PDZD8: variants seen among roughly 807,000 people sequenced by gnomAD.
PDZD8 encodes the protein PDZ domain-containing protein 8.
In PDZD8, 14 loss-of-function variants were observed where a neutral mutation model predicts 85.8. The ratio of observed to expected loss-of-function variants is 0.16; its 90% CI spans 0.11 to 0.26. The LOEUF (loss-of-function observed/expected upper bound fraction) is 0.26. Among genes scored for constraint, PDZD8 ranks in the 10% least tolerant of loss-of-function variants. The pLI is 1.00. For missense variants in PDZD8, 1,197 were observed against 1,424.3 expected (o/e 0.84, Z 2.57); for synonymous variants, 592 against 568.6 (o/e 1.04, Z -0.59).
intron 3 of PDZD8, among the ~76,000 whole-genome samples, chr10:117,317,608 GC>G (rs1162998535): frequency 6.6e-6 from 1 of 152,154 alleles, no homozygotes; most frequent in African/African-American, 2.4e-5. Context: ...AATGCCAATA[GC>G]AATGGCAAGT....
intron 2 of PDZD8, among the ~76,000 whole-genome samples, chr10:117,324,064 C>G (rs1327303609): frequency 6.6e-6 from 1 of 151,812 alleles, no homozygotes; most frequent in African/African-American, 2.4e-5. Flanking sequence ...CCTGTCTCTA[C>G]TAAAAATACA....
At chr10:117,367,615 T>A (rs1165965124) in intron 1 of PDZD8, among the ~76,000 whole-genome samples, 1 of 152,016 alleles carries the variant, frequency 6.6e-6, no homozygotes, top group Non-Finnish European at 1.5e-5. Flanking sequence ...AGCACTAAAC[T>A]GGGTATTTAG....
intron 2 of PDZD8, among the ~76,000 whole-genome samples, chr10:117,337,273 T>C (rs1320916596): frequency 6.6e-6 from 1 of 152,204 alleles, no homozygotes; most frequent in Non-Finnish European, 1.5e-5. Context: ...AGATAGACTA[T>C]AAATTATAAA....
chr10:117,289,965 A>G (rs933303814), intron 4 of PDZD8, among the ~76,000 whole-genome samples: 4 of 152,230 alleles, frequency 2.6e-5, no homozygotes, highest in African/African-American at 9.6e-5. Flanking sequence ...AAAGTATTTT[A>G]AAGATTTATA....
At position 117,346,355 on chromosome 10, in the gene PDZD8, T is replaced by TC. The variant is rs1453433559; in HGVS notation, c.873-5254dup. Among the ~76,000 whole-genome samples, 5 of 151,010 alleles carry TC rather than the reference T, an allele frequency of 3.3e-5. No individual in the cohort carries two copies. The East Asian group carries it at 7.8e-4, about 24-fold the overall frequency. On this transcript the variant is annotated intron_variant, in intron 1 of 4. Transcript: ENST00000334464. ...ATGAACCAAAAATAAAATTCTAAGATCCCCCCAACCACCTGATTGAATTTC... is the reference window on the plus strand; with the variant it reads ...ATGAACCAAAAATAAAATTCTAAGATCCCCCCCAACCACCTGATTGAATTTC...
intron 3 of PDZD8, among the ~76,000 whole-genome samples, chr10:117,316,424 G>A (rs1037608723): frequency 1.3e-5 from 2 of 152,162 alleles, no homozygotes; most frequent in African/African-American, 4.8e-5. Context: ...TTTAATCCCA[G>A]CACTTTGGGA....
At position 117,279,755 on chromosome 10, in the gene PDZD8, C is replaced by CG. The variant is rs1844551554; in HGVS notation, c.*3512dup. 6.6e-6 allele frequency: 1 copy of CG among 152,112 alleles called. No homozygotes were observed. Among genetic ancestry groups the CG allele is most frequent in the Non-Finnish European group, 1.5e-5 (1 of 68,018 alleles). The allele number at this position is 152,112 out of a possible 1,614,324, so 9.4% of individuals were successfully genotyped here. The stretch of plus-strand genomic sequence containing the variant: ...AATATCCACCCATTTGACTTAATCC[C>CG]GGGGGAGTTTGTAAAACCGTTGAAA... On this transcript the variant is annotated 3_prime_UTR_variant, in exon 5 of 5. Coordinates refer to ENST00000334464, the MANE Select transcript of PDZD8 (RefSeq NM_173791.5).
chr10:117,310,904 T>C (rs781194882), intron 3 of PDZD8, among the ~76,000 whole-genome samples: 21 of 152,224 alleles, frequency 1.4e-4, no homozygotes, highest in Admixed American at 1.0e-3. Context: ...GCCTAACGTA[T>C]TTGTAAGTTT....
At position 117,284,745 on chromosome 10, in the gene PDZD8, G is replaced by A. The variant is rs1054791907; in HGVS notation, c.1988C>T (p.Ser663Leu). The part of the protein sequence containing the change: ...AKQEVAKDVT[S>L]ETSCPTKDSS... ...GTCCTTAGTAGGGCAGGAAGTTTCT[G>A]AAGTGACATCTTTGGCCACTTCTTG... The change falls in exon 5 of 5, where the codon TCA becomes TTA. Residue 663 changes from serine (S) to leucine (L), a missense_variant. By Grantham distance (145) the Ser-to-Leu change is moderately radical. Coordinates refer to ENST00000334464, the MANE Select transcript of PDZD8 (RefSeq NM_173791.5). 2 of 1,614,230 alleles carry A rather than the reference G, an allele frequency of 1.2e-6. No homozygotes were observed. Among genetic ancestry groups the A allele is most frequent in the Admixed American group, 1.7e-5 (1 of 60,024 alleles).
chr10:117,367,483 C>T (rs1039647846), intron 1 of PDZD8, among the ~76,000 whole-genome samples: 13 of 152,170 alleles, frequency 8.5e-5, no homozygotes, highest in African/African-American at 3.1e-4. Context: ...ATGAATAAAT[C>T]AAATTTCTAG....
chr10:117,315,587 CAAAAAAAA>C (rs35866840), intron 3 of PDZD8, among the ~76,000 whole-genome samples: 7 of 42,108 alleles, frequency 1.7e-4, no homozygotes, highest in African/African-American at 4.0e-4. Flanking sequence ...TAGACTCTCT[CAAAAAAAA>C]AAAAAAAAAA....
intron 1 of PDZD8, among the ~76,000 whole-genome samples, chr10:117,362,588 C>T (rs533122206): frequency 2.4e-4 from 37 of 152,172 alleles, no homozygotes; most frequent in African/African-American, 8.7e-4. Context: ...TCAATAAATG[C>T]TTGTTGAGTG....
intron 1 of PDZD8, among the ~76,000 whole-genome samples, chr10:117,361,713 C>T (rs950430592): frequency 1.3e-5 from 2 of 151,958 alleles, no homozygotes; most frequent in African/African-American, 4.8e-5. Context: ...CATAGCCCTC[C>T]ACGTCTATGG....
chr10:117,375,006 A>G lies in PDZD8; in HGVS notation c.222T>C (p.Pro74=). The G allele has an allele frequency of 1.3e-6, 2 of 1,587,992 alleles. No individual in the cohort carries two copies. The highest frequency in any genetic ancestry group is 1.7e-6 in the Non-Finnish European group (2 of 1,167,508). The part of the protein sequence containing the change: ...GRDEEPSGAA[P]EGGATPTAAP... The stretch of plus-strand genomic sequence containing the variant: ...CCGCGGTGGGGGTCGCGCCGCCCTC[A>G]GGGGCCGCTCCGGAGGGCTCCTCAT... Residue 74 remains proline, a synonymous_variant, in exon 1 of 5, where the codon CCT becomes CCC. Coordinates refer to ENST00000334464, the MANE Select transcript of PDZD8 (RefSeq NM_173791.5).
intron 2 of PDZD8, among the ~76,000 whole-genome samples, chr10:117,319,458 A>G (rs1176148065): frequency 6.6e-6 from 1 of 151,062 alleles, no homozygotes; most frequent in African/African-American, 2.4e-5. Context: ...ATGTGACCTC[A>G]GGCAAATTAT....
intron 2 of PDZD8, among the ~76,000 whole-genome samples, chr10:117,333,135 A>AAAAAAAG (rs1844458198): frequency 4.1e-5 from 6 of 147,190 alleles, no homozygotes; most frequent in Non-Finnish European, 7.4e-5. Context: ...AAAAAAAAAA[A>AAAAAAAG]AAAAAAAAGG....
chr10:117,306,541 A>C (rs530861201), intron 3 of PDZD8, among the ~76,000 whole-genome samples: 2 of 152,190 alleles, frequency 1.3e-5, no homozygotes, highest in Non-Finnish European at 2.9e-5. Flanking sequence ...AAATAGAAAC[A>C]GTTCTTATTC....
intron 2 of PDZD8, among the ~76,000 whole-genome samples, chr10:117,329,728 T>C (rs975481912): frequency 2.0e-5 from 3 of 151,792 alleles, no homozygotes; most frequent in Non-Finnish European, 4.4e-5. Context: ...GGTGAATACC[T>C]TGAGGCCAGG....
chr10:117,305,528 A>G (rs1843928197), intron 3 of PDZD8, among the ~76,000 whole-genome samples: 1 of 151,544 alleles, frequency 6.6e-6, no homozygotes, highest in East Asian at 1.9e-4. Context: ...ATATGGAGAG[A>G]GAGAGAGATA....
Sources: gnomAD v4.1 joint callset for allele counts (sites outside exome capture counted in the v4.1 genomes callset) on GRCh38, gnomAD v4.1.1 for gene constraint, MANE v1.5 for transcripts, NCBI Gene and HGNC (gene_info 2026-07-23, HGNC 2026-07-21) for gene names.